USP36: variants seen among roughly 807,000 people sequenced by gnomAD.
USP36 encodes the protein ubiquitin carboxyl-terminal hydrolase 36.
In USP36, 59 loss-of-function variants were observed where a neutral mutation model predicts 111.5. The observed-to-expected ratio is 0.53, with a 90% confidence interval of 0.43 to 0.66. USP36 has a LOEUF of 0.66. Among genes scored for constraint, USP36 ranks in the 30% least tolerant of loss-of-function variants. USP36 has a pLI of 0.00. For missense variants in USP36, 1,488 were observed against 1,468.0 expected, an observed-to-expected ratio of 1.01 and a Z score of -0.22; for synonymous variants, 628 against 581.0, an observed-to-expected ratio of 1.08 and a Z score of -1.16.
Position 78,807,049 on chromosome 17 carries a change from C to G in USP36, c.1995G>C (p.Leu665=), listed in dbSNP as rs751840907. The G allele has an allele frequency of 9.9e-6, 16 of 1,614,136 alleles. No homozygotes were observed. The highest frequency in any genetic ancestry group is 1.4e-5 in the Non-Finnish European group (16 of 1,180,052). ...TGGTGTTGCTCAGGACAGGGGACTT[C>G]AGCTTCACCGTCTTAGAATCTGCTC... ...PSGADSKTVK[L]KSPVLSNTTT... The change falls in exon 14 of 21, where the codon CTG becomes CTC. Residue 665 remains leucine, a synonymous_variant. Transcript: ENST00000449938.
At position 78,836,234 on chromosome 17, in the gene USP36, G is replaced by A. The variant is rs1567975159; in HGVS notation, c.130C>T (p.Pro44Ser). Residue 44 changes from proline to serine, a missense_variant, in exon 3 of 21, where the codon CCA becomes TCA. This residue lies in a region of USP36 where 219 missense variants were observed against 209.5 expected (regional missense o/e 1.05). Transcript: ENST00000449938. The part of the protein sequence containing the change: ...KVLLQKIEFE[P>S]ASKSFSYQLE... ...TGGTAGGAGAAGCTCTTGCTGGCTG[G>A]CTCGAACTCGATTTTCTGTAAAAGG... 6.2e-7 allele frequency: 1 copy of A among 1,614,134 alleles called. No homozygotes were observed. The highest frequency in any genetic ancestry group is 8.5e-7 in the Non-Finnish European group (1 of 1,180,046).
Position 78,802,502 on chromosome 17 carries a change from G to C in USP36, c.2844C>G (p.Ala948=). The C allele has an allele frequency of 6.2e-7, 1 of 1,607,756 alleles. No homozygotes were observed. Among genetic ancestry groups the C allele is most frequent in the Non-Finnish European group, 8.5e-7 (1 of 1,179,832 alleles). Residue 948 remains alanine, a synonymous_variant, in exon 17 of 21, where the codon GCC becomes GCG. Coordinates refer to ENST00000449938, the MANE Select transcript of USP36 (RefSeq NM_001385174.1). ...TCTTTTTCCTTGGAGACTCTTCCATGGCCTCTGGATCACCATCACCCATGG... is the reference window on the plus strand; with the variant it reads ...TCTTTTTCCTTGGAGACTCTTCCATCGCCTCTGGATCACCATCACCCATGG... The part of the protein sequence containing the change: ...CSPMGDGDPE[A]MEESPRKKKK...
At chr17:78,825,177 C>A (rs967816278) in intron 6 of USP36, among the ~76,000 whole-genome samples, 5 of 152,166 alleles carry the variant, frequency 3.3e-5, no homozygotes, top group African/African-American at 1.2e-4. Flanking sequence ...AACACCCTGG[C>A]AGTCTCAGCA....
At chr17:78,813,683 C>T in intron 12 of USP36, 90 bp downstream of exon 12, 1 of 1,160,644 alleles carries the variant, frequency 8.6e-7, no homozygotes, top group Non-Finnish European at 1.3e-6. Context: ...TTCCCAATTA[C>T]CTTCAAACAA....
At chr17:78,809,010 G>A (rs1005996698) in intron 13 of USP36, among the ~76,000 whole-genome samples, 1 of 152,018 alleles carries the variant, frequency 6.6e-6, no homozygotes, top group African/African-American at 2.4e-5. Context: ...CTATACTCCA[G>A]CCACATCTAT....
intron 3 of USP36, among the ~76,000 whole-genome samples, chr17:78,788,063 TA>T (rs1282554073): frequency 1.3e-5 from 2 of 152,214 alleles, no homozygotes; most frequent in African/African-American, 4.8e-5. Flanking sequence ...CCCATTGTCT[TA>T]AGCCACCCAG....
chr17:78,798,223 A>C lies in USP36; in HGVS notation c.*20+177T>G, dbSNP rs572817883. 2.6e-3 allele frequency: 1,981 copies of C among 758,440 alleles called. 7 individuals are homozygous for C. Among genetic ancestry groups the C allele is most frequent in the Non-Finnish European group, 3.3e-3 (1,586 of 482,722 alleles). 47.0% of individuals were successfully genotyped at this position (758,440 alleles called of 1,614,324 possible). On this transcript the variant is annotated intron_variant, in intron 20 of 20. Transcript: ENST00000449938. This position sits in a 1 kb window ranked among gnomAD's most constrained non-coding sequence, Gnocchi z 5.1. ...CGCATCCCACACACACCCTTCTCCAAGTGACTAGGACACACACCACAGACG... is the reference window on the plus strand; with the variant it reads ...CGCATCCCACACACACCCTTCTCCACGTGACTAGGACACACACCACAGACG...
rs767426729 is a variant in USP36 at position 78,807,381 on chromosome 17, C to T, written c.1663G>A (p.Gly555Arg). Residue 555 changes from glycine to arginine, a missense_variant, in exon 14 of 21, where the codon GGG becomes AGG. This residue lies in a region of USP36 where 1,073 missense variants were observed against 994.1 expected (regional missense o/e 1.08). Coordinates refer to ENST00000449938, the MANE Select transcript of USP36 (RefSeq NM_001385174.1). ...FSPRTAQGLPGTSNSNSSRSG... is the reference protein window; with the variant it reads ...FSPRTAQGLPRTSNSNSSRSG... ...CTGCTGCTATTCGAGTTGCTGGTCC[C>T]AGGCAGCCCCTGAGCAGTTCTGGGG... 2.5e-6 allele frequency: 4 copies of T among 1,614,212 alleles called. No homozygotes were observed. Among genetic ancestry groups the T allele is most frequent in the East Asian group, 2.2e-5 (1 of 44,886 alleles).
intron 6 of USP36, among the ~76,000 whole-genome samples, chr17:78,823,682 C>G (rs1018110115): frequency 6.6e-6 from 1 of 152,078 alleles, no homozygotes; most frequent in Non-Finnish European, 1.5e-5. Flanking sequence ...GGCATGGGCT[C>G]TCAGGGGGAG....
In USP36 at chr17:78,790,282, G is replaced by GTTTCTT. The variant is rs986569396; in HGVS notation, c.*21-2630_*21-2625dup. Among the ~76,000 whole-genome samples the GTTTCTT allele has an allele frequency of 9.2e-5, 14 of 151,518 alleles. No individual in the cohort carries two copies. In the East Asian group the frequency reaches 2.5e-3, roughly 27 times the overall value. On this transcript the variant is annotated intron_variant, in intron 3 of 3. Transcript: ENST00000588130. ...TTTTTGTATTTTTAGTGGAGATATG[G>GTTTCTT]TTTCTTTTTCTTTTTCTTTTTTTTT...
chr17:78,800,967 G>GT (rs1480347387), intron 17 of USP36, among the ~76,000 whole-genome samples: 3 of 138,070 alleles, frequency 2.2e-5, no homozygotes, highest in Non-Finnish European at 3.1e-5. Context: ...TGTTAGGGCA[G>GT]TATTTTTTTT....
intron 10 of USP36, among the ~76,000 whole-genome samples, chr17:78,817,797 T>C (rs1419931833): frequency 2.6e-5 from 4 of 151,274 alleles, no homozygotes; most frequent in African/African-American, 4.9e-5. Context: ...AATGCCACTA[T>C]AGGCCAGGTA....
chr17:78,804,272 G>A (rs1487148479), intron 15 of USP36, among the ~76,000 whole-genome samples: 1 of 152,024 alleles, frequency 6.6e-6, no homozygotes, highest in Non-Finnish European at 1.5e-5. Flanking sequence ...GACCAGCCTA[G>A]CCAACATGGT....
Position 78,807,451 on chromosome 17 carries a change from G to A in USP36, c.1593C>T (p.Asp531=), listed in dbSNP as rs746370618. ...CTGGCTTCTTCACCTTCTTTCCAGGGTCGTCTAGGATGGTTGGCATGTGTG... is the reference window on the plus strand; with the variant it reads ...CTGGCTTCTTCACCTTCTTTCCAGGATCGTCTAGGATGGTTGGCATGTGTG... The part of the protein sequence containing the change: ...TPTHMPTILD[D]PGKKVKKPAP... Residue 531 remains aspartate, a synonymous_variant, in exon 14 of 21, where the codon GAC becomes GAT. Transcript: ENST00000449938. The A allele has an allele frequency of 6.2e-7, 1 of 1,614,098 alleles. No individual in the cohort carries two copies. Among genetic ancestry groups the A allele is most frequent in the Admixed American group, 1.7e-5 (1 of 60,022 alleles).
intron 9 of USP36, 80 bp downstream of exon 9, chr17:78,819,850 G>T (rs753702596): frequency 4.2e-6 from 6 of 1,432,368 alleles, no homozygotes; most frequent in Admixed American, 1.8e-5. Context: ...AGGAAGAGTG[G>T]GTGGGCACAA....
At chr17:78,790,090 AC>A (rs1698912985) in intron 3 of USP36, among the ~76,000 whole-genome samples, 1 of 149,764 alleles carries the variant, frequency 6.7e-6, no homozygotes, top group African/African-American at 2.5e-5. Context: ...GCAGAATAAT[AC>A]CTTTTTTTTT....
chr17:78,823,151 G>A, intron 6 of USP36: 1 of 398,688 alleles, frequency 2.5e-6, no homozygotes. Context: ...TGAAATACTT[G>A]GGGGACCAAT....
chr17:78,798,679 A>G lies in USP36; in HGVS notation c.3241-128T>C, dbSNP rs1282248439. 5.5e-6 allele frequency: 8 copies of G among 1,451,224 alleles called. No homozygotes were observed. Among genetic ancestry groups the G allele is most frequent in the Non-Finnish European group, 7.5e-6 (8 of 1,065,282 alleles). The allele number at this position is 1,451,224 out of a possible 1,614,324, so 89.9% of individuals were successfully genotyped here. A position where few individuals can be genotyped will look rare whatever the true frequency, so the allele number is the denominator to read the frequency against. On this transcript the variant is annotated intron_variant, in intron 19 of 20. Coordinates refer to ENST00000449938, the MANE Select transcript of USP36 (RefSeq NM_001385174.1). The surrounding 1 kb of genome is among the most constrained non-coding windows in gnomAD (Gnocchi z 5.1). ...TGAGCTCTCTGGAGACCCACTCTTC[A>G]CAATGACCCCTGTGCACGGCGACCT... is the stretch of plus-strand genomic sequence containing the variant.
chr17:78,802,822 C>G (rs190132127), intron 16 of USP36, among the ~76,000 whole-genome samples: 1 of 152,316 alleles, frequency 6.6e-6, no homozygotes, highest in East Asian at 1.9e-4. Flanking sequence ...CCTGGCCTGG[C>G]CCGGGACACC....
Sources: gnomAD v4.1 joint callset for allele counts (sites outside exome capture counted in the v4.1 genomes callset) on GRCh38, gnomAD v4.1.1 for gene constraint, gnomAD v4.1.1 regional missense constraint, Gnocchi (gnomAD v3.1) non-coding constraint, MANE v1.5 for transcripts, NCBI Gene and HGNC (gene_info 2026-07-23, HGNC 2026-07-21) for gene names.